The following ZNF888 variants were observed in gnomAD, a reference collection of about 807,000 sequenced individuals.
ZNF888 encodes CTD-2331H12.6.
Under a neutral mutation model 7.2 loss-of-function variants are expected in ZNF888, and 5 were observed. That is an observed-to-expected ratio of 0.70 (90% confidence interval 0.36 to 1.46). The LOEUF is 1.46. Among genes scored for constraint, ZNF888 ranks in the 40% most tolerant of loss-of-function variants. ZNF888 has a pLI of 0.03. For missense variants in ZNF888, 716 were observed against 858.0 expected, an observed-to-expected ratio of 0.83 and a Z score of 2.07; for synonymous variants, 240 against 284.3, an observed-to-expected ratio of 0.84 and a Z score of 1.57.
chr19:52,907,685 A>G lies in ZNF888; in HGVS notation c.637T>C (p.Ser213Pro), dbSNP rs1285709924. ...TTGCCACTCTCATTAAATTGGAAAG[A>G]TTTTTCTTTCCTGTGTACATCCTGT... Reference protein sequence around the residue: ...QKQDVHRKEKSFQFNESGKSF... With the variant: ...QKQDVHRKEKPFQFNESGKSF... The change falls in exon 5 of 5, where the codon TCT (serine) becomes CCT (proline). Residue 213 changes from serine (S) to proline (P), a missense_variant. By Grantham distance (74) the Ser-to-Pro change is moderately conservative. Around this residue, in one of 2 missense-constraint regions of ZNF888, gnomAD observed 697 missense variants for 803.4 expected, o/e 0.87. Transcript: ENST00000638862. The G allele has an allele frequency of 3.1e-6, 5 of 1,606,960 alleles. No homozygotes were observed. In the African/African-American group the frequency reaches 6.7e-5, roughly 22 times the overall value.
In ZNF888 at chr19:52,905,212, G is replaced by C. The variant is rs1223174313; in HGVS notation, c.*953C>G. ...ATTCCACCACAAAAGAAGTGAAATT[G>C]GCTGGTCCCTGCCTTAACTGATGAC... On this transcript the variant is annotated 3_prime_UTR_variant, in exon 5 of 5. Coordinates refer to ENST00000638862, the MANE Select transcript of ZNF888 (RefSeq NM_001393938.1). The C allele has an allele frequency of 6.6e-6, 1 of 152,036 alleles. No individual in the cohort carries two copies. Among genetic ancestry groups the C allele is most frequent in the Non-Finnish European group, 1.5e-5 (1 of 68,090 alleles). 9.4% of individuals were successfully genotyped at this position (152,036 alleles called of 1,614,324 possible).
intron 1 of ZNF888, chr19:52,921,637 A>T: frequency 1.0e-6 from 1 of 983,826 alleles, no homozygotes; most frequent in Non-Finnish European, 1.2e-6. Context: ...TTACAGTAAC[A>T]TTTACAAAAT....
At chr19:52,921,366 T>C (rs1786359449) in intron 1 of ZNF888, among the ~76,000 whole-genome samples, 1 of 152,156 alleles carries the variant, frequency 6.6e-6, no homozygotes, top group African/African-American at 2.4e-5. Context: ...GGGAATGACA[T>C]GACTTACTTT....
chr19:52,921,999 A>G (rs1470720332), intron 1 of ZNF888, among the ~76,000 whole-genome samples: 1 of 152,124 alleles, frequency 6.6e-6, no homozygotes, highest in African/African-American at 2.4e-5. Context: ...GAACTAAGAC[A>G]GAAGTAACTT....
rs7255668 is a variant in ZNF888, at chr19:52,907,913, A to G, written c.409T>C (p.Tyr137His). 8 of 1,613,888 alleles carry G rather than the reference A, an allele frequency of 5.0e-6. No individual in the cohort carries two copies. The highest frequency in any genetic ancestry group is 1.6e-4 in the Middle Eastern group (1 of 6,062). The change falls in exon 5 of 5, where the codon TAT becomes CAT. Residue 137 changes from tyrosine (Y) to histidine (H), a missense_variant. Physicochemically the swap from Tyr to His is moderately conservative, Grantham distance 83. Coordinates refer to ENST00000638862, the MANE Select transcript of ZNF888 (RefSeq NM_001393938.1). ...GAATGAAAGCTTGATCCAAGCTGAT[A>G]TTTAATAGGCTTGTTTCCAGCATGC... ...QRHAGNKPIK[Y>H]QLGSSFHSHL...
At position 52,905,557 on chromosome 19, in the gene ZNF888, C is replaced by T. The variant is rs28699173; in HGVS notation, c.*608G>A. The T allele has an allele frequency of 0.34, 82,563 of 243,666 alleles. 18,971 individuals are homozygous for T. The highest frequency in any genetic ancestry group is 0.73 in the African/African-American group (31,270 of 43,084). The allele number at this position is 243,666 out of a possible 1,614,324, so 15.1% of individuals were successfully genotyped here. ...CTCAAACTCCTGACCTCAAGAGATC[C>T]ACCCACCTTGGCCTCCCACAGTGCT... On this transcript the variant is annotated 3_prime_UTR_variant, in exon 5 of 5. Transcript: ENST00000638862.
At chr19:52,922,871 G>T (rs1413360225) in intron 1 of ZNF888, among the ~76,000 whole-genome samples, 1 of 151,578 alleles carries the variant, frequency 6.6e-6, no homozygotes, top group Non-Finnish European at 1.5e-5. Flanking sequence ...TGACTGCGGA[G>T]GGGAGACTTG....
intron 3 of ZNF888, among the ~76,000 whole-genome samples, chr19:52,915,981 C>T (rs1013350368): frequency 0.15 from 19,959 of 136,018 alleles, no homozygotes; most frequent in Non-Finnish European, 0.18. Context: ...CAGATGACAA[C>T]GTCCACAGTA....
intron 1 of ZNF888, 60 bp from the exon 2 acceptor site, chr19:52,918,997 C>G (rs1600689791): frequency 0.5 from 1 of 2 alleles, no homozygotes; most frequent in South Asian, 0.5. Context: ...TCTCCCTCTC[C>G]CTCTCCCTCT....
At chr19:52,912,314 C>T (rs560066376) in intron 4 of ZNF888, among the ~76,000 whole-genome samples, 7 of 149,612 alleles carry the variant, frequency 4.7e-5, no homozygotes, top group South Asian at 4.3e-4. Context: ...GGGGTTTCAC[C>T]ATGTTAGCCA....
At chr19:52,923,069 G>A (rs757680629) in intron 1 of ZNF888, among the ~76,000 whole-genome samples, 6 of 152,164 alleles carry the variant, frequency 3.9e-5, no homozygotes, top group Non-Finnish European at 7.3e-5. Flanking sequence ...TCCACCTCTC[G>A]GGTGAGGACT....
At chr19:52,910,351 T>C (rs1203557739) in intron 4 of ZNF888, among the ~76,000 whole-genome samples, 2 of 152,078 alleles carry the variant, frequency 1.3e-5, no homozygotes, top group Non-Finnish European at 2.9e-5. Flanking sequence ...CGGGTGCCTT[T>C]AATCCCAGCT....
At chr19:52,920,533 G>GAAAAAAAAAAAAAAAAAAAAAAAAAA (rs1175516942) in intron 1 of ZNF888, among the ~76,000 whole-genome samples, 1 of 24,804 alleles carries the variant, frequency 4.0e-5, no homozygotes, top group Non-Finnish European at 8.3e-5. Context: ...AAAAGAAAAG[G>GAAAAAAAAAAAAAAAAAAAAAAAAAA]AAAAAAAAAA....
intron 2 of ZNF888, 130 bp from the exon 3 acceptor site, chr19:52,918,061 C>G: frequency 6.2e-6 from 9 of 1,449,060 alleles, no homozygotes; most frequent in South Asian, 1.5e-5. Flanking sequence ...CTCTGCTGCC[C>G]ACCATACCAG....
At chr19:52,910,006 A>G (rs2064657627) in intron 4 of ZNF888, among the ~76,000 whole-genome samples, 1 of 152,052 alleles carries the variant, frequency 6.6e-6, no homozygotes, top group South Asian at 2.1e-4. Context: ...AACTAAAAAT[A>G]CAAAAATTAG....
intron 1 of ZNF888, among the ~76,000 whole-genome samples, chr19:52,919,803 G>A (rs569200417): frequency 1.7e-5 from 1 of 57,706 alleles, no homozygotes; most frequent in East Asian, 3.3e-4. Flanking sequence ...CGCCTCTGCT[G>A]GGCCGCAACC....
chr19:52,905,419 C>T lies in ZNF888; in HGVS notation c.*746G>A, dbSNP rs1423476155. On this transcript the variant is annotated 3_prime_UTR_variant, in exon 5 of 5. Transcript: ENST00000638862. ...TCCCTTCCCTGACTCTCTTTTCGGA[C>T]TCAGCTTGCCTGCACCCAGGTGATT... The T allele has an allele frequency of 6.3e-6, 1 of 157,746 alleles. No individual in the cohort carries two copies. The highest frequency in any genetic ancestry group is 1.4e-5 in the Non-Finnish European group (1 of 73,328). The allele number at this position is 157,746 out of a possible 1,614,324, so 9.8% of individuals were successfully genotyped here. A position where few individuals can be genotyped will look rare whatever the true frequency, so the allele number is the denominator to read the frequency against.
intron 1 of ZNF888, among the ~76,000 whole-genome samples, chr19:52,922,676 G>A (rs10425203): frequency 0.89 from 134,649 of 152,138 alleles, 59,745 homozygotes; most frequent in African/African-American, 0.9. Context: ...GTTTTCTACT[G>A]CTCTCTGATT....
intron 1 of ZNF888, 135 bp downstream of exon 1, chr19:52,923,234 G>A (rs1200856645): frequency 4.2e-6 from 4 of 943,838 alleles, no homozygotes; most frequent in South Asian, 4.9e-5. Flanking sequence ...CGGACTCCTA[G>A]GGGAATGTCT....
Sources: gnomAD v4.1 joint callset for allele counts (sites outside exome capture counted in the v4.1 genomes callset) on GRCh38, gnomAD v4.1.1 for gene constraint, gnomAD v4.1.1 regional missense constraint, MANE v1.5 for transcripts, NCBI Gene and HGNC (gene_info 2026-07-23, HGNC 2026-07-21) for gene names.